The following SEC24A variants were observed in gnomAD, a reference collection of about 807,000 sequenced individuals.
SEC24A encodes SEC24 homolog A, COPII component.
Under a neutral mutation model 129.4 loss-of-function variants are expected in SEC24A, and 93 were observed. That is an observed-to-expected ratio of 0.72 (90% CI 0.61 to 0.85). The LOEUF is 0.85. Ranked by LOEUF, SEC24A falls within the 40% of genes least tolerant of loss-of-function variation. The pLI, the probability that SEC24A is intolerant of heterozygous loss-of-function variation, is 0.00. For missense variants in SEC24A, 1,264 were observed against 1,307.4 expected (o/e 0.97, Z 0.51); for synonymous variants, 460 against 467.3 (o/e 0.98, Z 0.20).
At chr5:134,672,247 G>A (rs2150080325) in intron 4 of SEC24A, among the ~76,000 whole-genome samples, 1 of 152,192 alleles carries the variant, frequency 6.6e-6, no homozygotes, top group East Asian at 1.9e-4. Flanking sequence ...GAGTGCAGTG[G>A]CAGTATCTCG....
Position 134,713,105 on chromosome 5 carries a change from G to A in SEC24A, c.2728-1919G>A, listed in dbSNP as rs183143036. ...CACCACAATGCCCGGCTAATTTTTT[G>A]TATTTTTAGTAGAGACGGGGTTTCA... is the stretch of plus-strand genomic sequence containing the variant. On this transcript the variant is annotated intron_variant, in intron 18 of 22. Transcript: ENST00000398844. Among the ~76,000 whole-genome samples, 264 of 150,970 alleles carry A rather than the reference G, an allele frequency of 1.7e-3. 3 individuals carry two copies. The highest frequency in any genetic ancestry group is 0.017 in the Admixed American group (249 of 15,060).
chr5:134,698,808 T>G (rs1561824317), intron 15 of SEC24A, among the ~76,000 whole-genome samples: 1 of 151,792 alleles, frequency 6.6e-6, no homozygotes. Flanking sequence ...AATTTTTGTA[T>G]TTTTAGTAGA....
chr5:134,716,456 G>A (rs1387052412), intron 19 of SEC24A, among the ~76,000 whole-genome samples: 3 of 138,862 alleles, frequency 2.2e-5, no homozygotes, highest in African/African-American at 8.1e-5. Flanking sequence ...GTGACAAAGT[G>A]AGACTTTGTC....
intron 1 of SEC24A, among the ~76,000 whole-genome samples, chr5:134,656,804 A>T (rs1477619132): frequency 1.4e-5 from 2 of 146,138 alleles, no homozygotes; most frequent in Admixed American, 6.9e-5. Flanking sequence ...TTTTTTAAAG[A>T]CAGCTCTCAT....
chr5:134,666,806 A>G lies in SEC24A; in HGVS notation c.566-17A>G. 6.2e-7 allele frequency: 1 copy of G among 1,613,096 alleles called. No individual in the cohort carries two copies. The highest frequency in any genetic ancestry group is 8.5e-7 in the Non-Finnish European group (1 of 1,179,324). ...TTGAGTTCTCAAGTGACGTGTGAAA[A>G]ACCAATGTTTCCATAGGTCCTTCTG... On this transcript the variant is annotated splice_polypyrimidine_tract_variant and intron_variant, in intron 2 of 22. Coordinates refer to ENST00000398844, the MANE Select transcript of SEC24A (RefSeq NM_021982.3).
intron 13 of SEC24A, among the ~76,000 whole-genome samples, chr5:134,694,402 G>T (rs1034285323): frequency 1.3e-5 from 2 of 152,110 alleles, no homozygotes; most frequent in Non-Finnish European, 2.9e-5. Flanking sequence ...GCTCACGCTT[G>T]TAATCCCAGC....
intron 3 of SEC24A, among the ~76,000 whole-genome samples, chr5:134,668,314 C>G (rs114161966): frequency 6.6e-6 from 1 of 152,102 alleles, no homozygotes; most frequent in Non-Finnish European, 1.5e-5. Flanking sequence ...CAAGGCCGGG[C>G]GTGGTGGCTC....
chr5:134,691,053 A>G lies in SEC24A; in HGVS notation c.1724-1549A>G, dbSNP rs146928319. ...TTTTAGTAAATAATGGGGTTTCACT[A>G]TGTTGGCCAATCTGGTCTCAAACTC... On this transcript the variant is annotated intron_variant, in intron 11 of 22. Transcript: ENST00000398844. 3.3e-3 allele frequency among the ~76,000 whole-genome samples: 507 copies of G among 151,782 alleles called. 4 individuals are homozygous for G. Among genetic ancestry groups the G allele is most frequent in the African/African-American group, 0.012 (485 of 41,380 alleles).
chr5:134,655,476 T>C (rs907734591), intron 1 of SEC24A, among the ~76,000 whole-genome samples: 4 of 151,924 alleles, frequency 2.6e-5, no homozygotes, highest in African/African-American at 9.7e-5. Context: ...TGGTGAAACC[T>C]TGTCTCTACT....
In SEC24A at chr5:134,682,443, A is replaced by G; in HGVS notation, c.1452A>G (p.Gln484=). 1 of 1,607,424 alleles carries G rather than the reference A, an allele frequency of 6.2e-7. No individual in the cohort carries two copies. The highest frequency in any genetic ancestry group is 8.5e-7 in the Non-Finnish European group (1 of 1,173,966). The change falls in exon 9 of 23, where the codon CAA becomes CAG. Residue 484 remains glutamine (Q), a synonymous_variant. Transcript: ENST00000398844. ...YGEPHRRPEV[Q]NATIEFMAPS... ...AACCTCACAGAAGACCAGAAGTTCA[A>G]AATGCTACTATTGAGTTTATGGCTC...
intron 10 of SEC24A, among the ~76,000 whole-genome samples, chr5:134,687,422 G>T (rs997417260): frequency 6.6e-6 from 1 of 152,116 alleles, no homozygotes; most frequent in East Asian, 1.9e-4. Context: ...CATTGCATTT[G>T]GTTATCAAGT....
chr5:134,656,965 C>G lies in SEC24A; in HGVS notation c.98-4154C>G, dbSNP rs1750269774. 2.0e-5 allele frequency among the ~76,000 whole-genome samples: 3 copies of G among 151,022 alleles called. No individual in the cohort carries two copies. In the South Asian group the frequency reaches 6.3e-4, roughly 32 times the overall value. Reference sequence around the variant, plus strand: ...TTTGGGAGGTCGAGTCAAGAAGATCCCTTGAGCCCAGGAGTTCGAGACCAG... The same window carrying G: ...TTTGGGAGGTCGAGTCAAGAAGATCGCTTGAGCCCAGGAGTTCGAGACCAG... On this transcript the variant is annotated intron_variant, in intron 1 of 22. Coordinates refer to ENST00000398844, the MANE Select transcript of SEC24A (RefSeq NM_021982.3).
At chr5:134,683,046 G>A (rs1334487301) in intron 9 of SEC24A, among the ~76,000 whole-genome samples, 5 of 150,158 alleles carry the variant, frequency 3.3e-5, no homozygotes, top group African/African-American at 1.2e-4. Flanking sequence ...TTTTTGAGAC[G>A]GAGTCTCACT....
chr5:134,674,623 C>T lies in SEC24A; in HGVS notation c.826C>T (p.Gln276Ter). 6.2e-7 allele frequency: 1 copy of T among 1,613,226 alleles called. No individual in the cohort carries two copies. The highest frequency in any genetic ancestry group is 2.2e-5 in the East Asian group (1 of 44,874). The change falls in exon 5 of 23, where the codon CAG becomes TAG. Residue 276 changes from glutamine to a stop codon, truncating the protein, a stop_gained. Transcript: ENST00000398844. LOFTEE classifies it high-confidence loss of function. ...AGTTACCTTGTTTCTAGCAACACCA[C>T]AGCTTACTAACAAGAATCCCAAAAT... ...IEGGGLLATPQLTNKNPKMSR... is the reference protein window; with the variant it reads ...IEGGGLLATP
At position 134,720,984 on chromosome 5, in the gene SEC24A, A is replaced by G. The variant is rs754300227; in HGVS notation, c.2971-14A>G. On this transcript the variant is annotated splice_polypyrimidine_tract_variant and intron_variant, in intron 20 of 22. Transcript: ENST00000398844. ...GTATGCTGCATCTCAAAATAATTTT[A>G]TTCCTGTCCCTAGGTACTGATGCTT... The G allele has an allele frequency of 6.6e-7, 1 of 1,520,882 alleles. No individual in the cohort carries two copies. The highest frequency in any genetic ancestry group is 1.1e-5 in the South Asian group (1 of 88,634). The allele number at this position is 1,520,882 out of a possible 1,614,324, so 94.2% of individuals were successfully genotyped here. A position where few individuals can be genotyped will look rare whatever the true frequency, so the allele number is the denominator to read the frequency against.
intron 18 of SEC24A, 43 bp downstream of exon 18, chr5:134,708,931 C>G (rs1177700371): frequency 2.2e-5 from 34 of 1,570,920 alleles, no homozygotes; most frequent in Non-Finnish European, 2.9e-5. Context: ...GATGGCCAGG[C>G]ACTGTGGCCT....
At position 134,664,026 on chromosome 5, in the gene SEC24A, G is replaced by A. The variant is rs186577072; in HGVS notation, c.565+2440G>A. On this transcript the variant is annotated intron_variant, in intron 2 of 22. Coordinates refer to ENST00000398844, the MANE Select transcript of SEC24A (RefSeq NM_021982.3). ...CTCAGGAGGCTGAGGCAGGAGAAGC[G>A]CTTGAAGCTGGGAGGCGGAGGTTGC... 1.3e-3 allele frequency among the ~76,000 whole-genome samples: 203 copies of A among 152,160 alleles called. 1 individual carries two copies. The highest frequency in any genetic ancestry group is 2.5e-3 in the African/African-American group (103 of 41,510).
chr5:134,661,226 C>A lies in SEC24A; in HGVS notation c.205C>A (p.Pro69Thr). ...TCCAATACCAGCAAAGACTTTGAAT[C>A]CAGTCTCTGGACAGTCTAACTATGG... The part of the protein sequence containing the change: ...PHPIPAKTLN[P>T]VSGQSNYGGS... Residue 69 changes from proline to threonine, a missense_variant, in exon 2 of 23, where the codon CCA becomes ACA. Transcript: ENST00000398844. 6.2e-7 allele frequency: 1 copy of A among 1,614,134 alleles called. No homozygotes were observed. The highest frequency in any genetic ancestry group is 8.5e-7 in the Non-Finnish European group (1 of 1,179,996).
chr5:134,688,427 G>A (rs1324334417), intron 11 of SEC24A, 128 bp downstream of exon 11: 1 of 637,732 alleles, frequency 1.6e-6, no homozygotes, highest in Non-Finnish European at 2.8e-6. Context: ...CATGATTGTT[G>A]GAGTTGTAAG....
Sources: allele counts gnomAD v4.1 joint callset (sites outside exome capture counted in the v4.1 genomes callset), GRCh38; gene constraint gnomAD v4.1.1; transcripts MANE v1.5; gene names NCBI Gene and HGNC (gene_info 2026-07-23, HGNC 2026-07-21).